The following SMURF2 variants were observed in gnomAD, a reference collection of about 807,000 sequenced individuals.
SMURF2 encodes E3 ubiquitin-protein ligase SMURF2.
In SMURF2, 48 loss-of-function variants were observed where a neutral mutation model predicts 109.6. The ratio of observed to expected loss-of-function variants is 0.44; its 90% confidence interval spans 0.35 to 0.56. The LOEUF (loss-of-function observed/expected upper bound fraction) is 0.56. Among genes scored for constraint, SMURF2 ranks in the 20% least tolerant of loss-of-function variants. The pLI, the probability that SMURF2 is intolerant of heterozygous loss-of-function variation, is 0.01. For synonymous variants in SMURF2, 288 were observed against 317.1 expected (o/e 0.91, Z 0.97); for missense variants, 575 against 909.0 (o/e 0.63, Z 4.72).
intron 1 of SMURF2, among the ~76,000 whole-genome samples, chr17:64,624,154 A>C (rs1243050007): frequency 6.6e-6 from 1 of 152,156 alleles, no homozygotes; most frequent in Non-Finnish European, 1.5e-5. Context: ...TGATAATCCT[A>C]CAATAGAGTC....
chr17:64,562,881 A>G lies in SMURF2; in HGVS notation c.1102T>C (p.Tyr368His). 6.2e-7 allele frequency: 1 copy of G among 1,614,188 alleles called. No individual in the cohort carries two copies. The highest frequency in any genetic ancestry group is 8.5e-7 in the Non-Finnish European group (1 of 1,180,020). The change falls in exon 11 of 19, where the codon TAC (tyrosine) becomes CAC (histidine). Residue 368 changes from tyrosine to histidine, a missense_variant. Tyr to His is a moderately conservative substitution (Grantham distance 83). Around this residue, in one of 5 missense-constraint regions of SMURF2, gnomAD observed 361 missense variants for 612.1 expected, o/e 0.59. Coordinates refer to ENST00000262435, the MANE Select transcript of SMURF2 (RefSeq NM_022739.4). ...AGTTTCTGAACCAGGTCTCGCTTGT[A>G]CCTTGGGACTGTCAGGCATTCTGTG... ...DDTECLTVPR[Y>H]KRDLVQKLKI... is the part of the protein sequence containing the mutation.
chr17:64,598,447 C>T lies in SMURF2; in HGVS notation c.135G>A (p.Gly45=). The T allele has an allele frequency of 6.2e-7, 1 of 1,609,722 alleles. No homozygotes were observed. The highest frequency in any genetic ancestry group is 2.2e-5 in the East Asian group (1 of 44,738). ...PFAKVVVDGS[G]QCHSTDTVKN... ...TCACAGTATCTGTAGAATGGCATTG[C>T]CCAGATCCATCAACCACCACCTTAG... is the stretch of plus-strand genomic sequence containing the variant. The change falls in exon 3 of 19, where the codon GGG becomes GGA. Residue 45 remains glycine, a synonymous_variant. Coordinates refer to ENST00000262435, the MANE Select transcript of SMURF2 (RefSeq NM_022739.4).
At chr17:64,575,052 A>G (rs2144627821) in intron 9 of SMURF2, among the ~76,000 whole-genome samples, 1 of 151,906 alleles carries the variant, frequency 6.6e-6, no homozygotes, top group South Asian at 2.1e-4. Context: ...TTTACAATTT[A>G]TATAATAAAA....
In SMURF2 at chr17:64,645,963, C is replaced by T. The variant is rs191837090; in HGVS notation, c.52+15866G>A. Among the ~76,000 whole-genome samples the T allele has an allele frequency of 2.4e-4, 37 of 152,190 alleles. 1 individual carries two copies. Among genetic ancestry groups the T allele is most frequent in the African/African-American group, 8.9e-4 (37 of 41,544 alleles). On this transcript the variant is annotated intron_variant, in intron 1 of 18. Coordinates refer to ENST00000262435, the MANE Select transcript of SMURF2 (RefSeq NM_022739.4). ...GTAGGTAATGAAAGAAGTTTTGTTA[C>T]AGCAATGCCATTAAATTCTTTGAGT... is the stretch of plus-strand genomic sequence containing the variant.
intron 2 of SMURF2, among the ~76,000 whole-genome samples, chr17:64,603,737 G>A (rs1969931871): frequency 6.6e-6 from 1 of 152,004 alleles, no homozygotes; most frequent in South Asian, 2.1e-4. Context: ...AAGGGGAAGT[G>A]ACTTATTTTT....
At chr17:64,583,315 A>C (rs1555686734) in intron 7 of SMURF2, 146 bp downstream of exon 7, 5 of 647,406 alleles carry the variant, frequency 7.7e-6, no homozygotes, top group Non-Finnish European at 2.7e-6. Context: ...ACTTTTAAAA[A>C]ATAACAATGG....
chr17:64,661,825 T>C lies in SMURF2; in HGVS notation c.52+4A>G. 1 of 1,210,016 alleles carries C rather than the reference T, an allele frequency of 8.3e-7. No homozygotes were observed. Among genetic ancestry groups the C allele is most frequent in the Non-Finnish European group, 1.0e-6 (1 of 974,968 alleles). The allele number at this position is 1,210,016 out of a possible 1,614,324, so 75.0% of individuals were successfully genotyped here. A position where few individuals can be genotyped will look rare whatever the true frequency, so the allele number is the denominator to read the frequency against. On this transcript the variant is annotated splice_donor_region_variant and intron_variant, in intron 1 of 18. Transcript: ENST00000262435. ...GCCCAGCCCGGCCCGCCGCCCCCCCTCACCTGTCAGGCGCAGCTTGACGGG... is the reference window on the plus strand; with the variant it reads ...GCCCAGCCCGGCCCGCCGCCCCCCCCCACCTGTCAGGCGCAGCTTGACGGG...
intron 1 of SMURF2, among the ~76,000 whole-genome samples, chr17:64,653,646 C>T (rs1053338111): frequency 6.6e-6 from 1 of 152,022 alleles, no homozygotes; most frequent in Non-Finnish European, 1.5e-5. Flanking sequence ...CGGAGTTTTG[C>T]CATGTTGCCC....
intron 12 of SMURF2, among the ~76,000 whole-genome samples, chr17:64,559,738 AC>A (rs1361407706): frequency 1.3e-5 from 2 of 148,868 alleles, no homozygotes; most frequent in Non-Finnish European, 3.0e-5. Flanking sequence ...TCCTGTTTCT[AC>A]CAAAAAAAAA....
In SMURF2 at chr17:64,547,255, GTA is replaced by G. The variant is rs1161229155; in HGVS notation, c.2071+343_2071+344del. ...TAGAGGGGAGAGGCATCCCAGGCAG[GTA>G]AACGTTTCACCAGGTCAAGATGTGA... On this transcript the variant is annotated intron_variant, in intron 17 of 18. Coordinates refer to ENST00000262435, the MANE Select transcript of SMURF2 (RefSeq NM_022739.4). The surrounding 1 kb of genome is among the most constrained non-coding windows in gnomAD (Gnocchi z 4.2). Among the ~76,000 whole-genome samples the G allele has an allele frequency of 6.6e-6, 1 of 152,174 alleles. No individual in the cohort carries two copies. Among genetic ancestry groups the G allele is most frequent in the Non-Finnish European group, 1.5e-5 (1 of 68,020 alleles).
chr17:64,654,412 T>G (rs1294195883), intron 1 of SMURF2, among the ~76,000 whole-genome samples: 1 of 152,224 alleles, frequency 6.6e-6, no homozygotes, highest in African/African-American at 2.4e-5. Flanking sequence ...TTTAAAAAAT[T>G]TTTAATGAAA....
chr17:64,588,096 A>G (rs1969689857), intron 5 of SMURF2, among the ~76,000 whole-genome samples: 1 of 151,382 alleles, frequency 6.6e-6, no homozygotes. Context: ...TGGTCCAAAA[A>G]AAAAAAAAAA....
chr17:64,577,630 C>T (rs1969514067), intron 9 of SMURF2, among the ~76,000 whole-genome samples: 1 of 151,620 alleles, frequency 6.6e-6, no homozygotes, highest in Admixed American at 6.6e-5. Context: ...GGGTCTTGCT[C>T]TGTCATCCAG....
At position 64,591,075 on chromosome 17, in the gene SMURF2, C is replaced by T. The variant is rs369787518; in HGVS notation, c.400+9G>A. On this transcript the variant is annotated intron_variant, in intron 5 of 18. Transcript: ENST00000262435. Reference sequence around the variant, plus strand: ...CCAAAATTCATGTAACTTTAAATTCCACACTTACCTACTATCTGTCCTCTA... The same window carrying T: ...CCAAAATTCATGTAACTTTAAATTCTACACTTACCTACTATCTGTCCTCTA... The T allele has an allele frequency of 5.6e-6, 9 of 1,606,668 alleles. No individual in the cohort carries two copies. In the African/African-American group the frequency reaches 1.1e-4, roughly 19 times the overall value.
intron 1 of SMURF2, among the ~76,000 whole-genome samples, chr17:64,651,445 G>A (rs913894614): frequency 8.0e-5 from 12 of 150,472 alleles, no homozygotes; most frequent in African/African-American, 2.0e-4. Context: ...GGTGGCGCGC[G>A]CCTGTAGTCC....
chr17:64,583,078 G>A (rs1441374156), intron 7 of SMURF2, among the ~76,000 whole-genome samples: 3 of 152,040 alleles, frequency 2.0e-5, no homozygotes, highest in African/African-American at 7.2e-5. Flanking sequence ...TTTTGGTAGA[G>A]ACAGGGTTTC....
chr17:64,584,592 T>C (rs1386707716), intron 6 of SMURF2, among the ~76,000 whole-genome samples: 2 of 151,700 alleles, frequency 1.3e-5, no homozygotes, highest in Non-Finnish European at 2.9e-5. Flanking sequence ...CTCTTGACCA[T>C]GTAGTCCTCC....
At position 64,545,416 on chromosome 17, in the gene SMURF2, T is replaced by A. The variant is rs1391336531; in HGVS notation, c.*432A>T. On this transcript the variant is annotated 3_prime_UTR_variant, in exon 19 of 19. Transcript: ENST00000262435. ...GAGCAAGTACAGGAGCTGTTCAAGA[T>A]CATGTATTCAATCAAAATGAAATGT... 6.5e-6 allele frequency: 1 copy of A among 153,892 alleles called. No homozygotes were observed. The highest frequency in any genetic ancestry group is 2.4e-5 in the African/African-American group (1 of 41,468). The allele number at this position is 153,892 out of a possible 1,614,324, so 9.5% of individuals were successfully genotyped here. A position where few individuals can be genotyped will look rare whatever the true frequency, so the allele number is the denominator to read the frequency against.
chr17:64,637,029 G>A (rs1970426048), intron 1 of SMURF2, among the ~76,000 whole-genome samples: 1 of 151,908 alleles, frequency 6.6e-6, no homozygotes, highest in African/African-American at 2.4e-5. Context: ...AGACCAGTCT[G>A]GGCAACAGAG....
Sources: allele counts gnomAD v4.1 joint callset (sites outside exome capture counted in the v4.1 genomes callset), GRCh38; gene constraint gnomAD v4.1.1; regional missense constraint gnomAD v4.1.1; non-coding constraint Gnocchi (gnomAD v3.1); transcripts MANE v1.5; gene names NCBI Gene and HGNC (gene_info 2026-07-23, HGNC 2026-07-21).